Variants in ANK2 observed in about 807,000 individuals in gnomAD.
ANK2 encodes ankyrin-2.
In ANK2, 83 loss-of-function variants were observed where a neutral mutation model predicts 360.5. The observed-to-expected ratio is 0.23, with a 90% CI of 0.19 to 0.28. ANK2 has a LOEUF of 0.28. Among genes scored for constraint, ANK2 ranks in the 10% least tolerant of loss-of-function variants. The pLI is 1.00. For synonymous variants in ANK2, 1,740 were observed against 1,759.5 expected, an observed-to-expected ratio of 0.99 and a Z score of 0.28; for missense variants, 4,201 against 4,795.7, an observed-to-expected ratio of 0.88 and a Z score of 3.66.
rs1261133929 is a variant in ANK2, at chr4:113,367,846, A to C, written c.11313A>C (p.Glu3771Asp). Residue 3771 changes from glutamate to aspartate, a missense_variant, in exon 42 of 46, where the codon GAA becomes GAC. By Grantham distance (45) the Glu-to-Asp change is conservative (BLOSUM62 2). Around this residue, in one of 4 missense-constraint regions of ANK2, gnomAD observed 2,642 missense variants for 2,714.5 expected, o/e 0.97. Coordinates refer to ENST00000357077, the MANE Select transcript of ANK2 (RefSeq NM_001148.6). ...PEESSLEYQQ[E>D]YFVTTPGTET... ...AGTCATCTCTGGAATATCAGCAGGA[A>C]TATTTGTGAGTTTCCAAAGAAAGCC... 7.4e-6 allele frequency: 12 copies of C among 1,614,034 alleles called. No homozygotes were observed. The highest frequency in any genetic ancestry group is 1.7e-5 in the Admixed American group (1 of 60,002).
At chr4:113,308,131 G>A (rs2078133739) in intron 23 of ANK2, among the ~76,000 whole-genome samples, 1 of 152,194 alleles carries the variant, frequency 6.6e-6, no homozygotes, top group African/African-American at 2.4e-5. Context: ...TCTTAAAGCT[G>A]TCTGAGTTGT....
chr4:113,037,327 T>G (rs1433633499), intron 2 of ANK2, among the ~76,000 whole-genome samples: 4 of 152,014 alleles, frequency 2.6e-5, no homozygotes, highest in Non-Finnish European at 5.9e-5. Context: ...GCTTAAGGTC[T>G]AAGTGTGGCA....
At chr4:112,864,018 G>T (rs780040235) in intron 1 of ANK2, among the ~76,000 whole-genome samples, 1 of 152,086 alleles carries the variant, frequency 6.6e-6, no homozygotes, top group Non-Finnish European at 1.5e-5. Context: ...CTTACATTTG[G>T]GTGGGAATAC....
intron 1 of ANK2, among the ~76,000 whole-genome samples, chr4:113,110,005 G>A (rs192033939): frequency 2.0e-4 from 30 of 152,180 alleles, no homozygotes; most frequent in African/African-American, 6.3e-4. Context: ...GAGTTTGCAC[G>A]AGTGGGCATA....
Position 113,049,760 on chromosome 4 carries a change from A to G in ANK2, c.32A>G (p.Asp11Gly). 1 of 1,613,860 alleles carries G rather than the reference A, an allele frequency of 6.2e-7. No individual in the cohort carries two copies. Among genetic ancestry groups the G allele is most frequent in the Non-Finnish European group, 8.5e-7 (1 of 1,179,818 alleles). The change falls in exon 1 of 46, where the codon GAC becomes GGC. Residue 11 changes from aspartate to glycine, a missense_variant. Around this residue, in one of 4 missense-constraint regions of ANK2, gnomAD observed 169 missense variants for 191.1 expected, o/e 0.88. Transcript: ENST00000357077. MMNEDAAQKS[D>G]SGEKFNGSSQ... ...AACGAAGATGCAGCTCAGAAAAGCGACAGTGGAGAGAAGTTCAACGGCAGT... is the reference window on the plus strand; with the variant it reads ...AACGAAGATGCAGCTCAGAAAAGCGGCAGTGGAGAGAAGTTCAACGGCAGT...
chr4:113,006,620 A>G (rs867025724), intron 2 of ANK2, among the ~76,000 whole-genome samples: 4 of 152,246 alleles, frequency 2.6e-5, no homozygotes, highest in African/African-American at 9.6e-5. Flanking sequence ...GGCAATATCT[A>G]TTGAAGTTAC....
At chr4:112,864,089 G>T (rs1230205050) in intron 1 of ANK2, among the ~76,000 whole-genome samples, 1 of 152,128 alleles carries the variant, frequency 6.6e-6, no homozygotes, top group African/African-American at 2.4e-5. Flanking sequence ...ATTAGGTAGG[G>T]TGTTATAGAG....
intron 2 of ANK2, among the ~76,000 whole-genome samples, chr4:112,964,589 G>A (rs76126788): frequency 1.7e-5 from 1 of 60,108 alleles, no homozygotes; most frequent in Non-Finnish European, 3.3e-5. Context: ...TTTTTTTTTT[G>A]AGACAGAGTC....
intron 1 of ANK2, chr4:113,117,407 C>A (rs1021398367): frequency 2.2e-6 from 1 of 456,148 alleles, no homozygotes; most frequent in South Asian, 1.5e-5. Flanking sequence ...ACGTATGGAA[C>A]GAAAAAGAAA....
Position 113,315,665 on chromosome 4 carries a change from A to G in ANK2, c.2694-2042A>G, listed in dbSNP as rs560845824. ...TGTAATCCCAGCACTTTGGGAGGCC[A>G]AGGTGGGCGGATCACGAGGTCAGGA... On this transcript the variant is annotated intron_variant, in intron 24 of 45. Transcript: ENST00000357077. Among the ~76,000 whole-genome samples, 119 of 152,184 alleles carry G rather than the reference A, an allele frequency of 7.8e-4. 1 individual carries two copies. In the East Asian group the frequency reaches 0.013, roughly 17 times the overall value.
intron 21 of ANK2, chr4:113,293,228 A>G: frequency 1.5e-6 from 1 of 683,688 alleles, no homozygotes; most frequent in South Asian, 1.5e-5. Context: ...AAGCAGATGC[A>G]AGCTTGTTGT....
Position 113,356,030 on chromosome 4 carries a change from G to A in ANK2, c.7412G>A (p.Ser2471Asn), listed in dbSNP as rs375139170. The A allele has an allele frequency of 1.5e-5, 25 of 1,614,134 alleles. No homozygotes were observed. In the African/African-American group the frequency reaches 2.9e-4, roughly 19 times the overall value. Residue 2471 changes from serine to asparagine, a missense_variant, in exon 38 of 46, where the codon AGC becomes AAC. Physicochemically the swap from Ser to Asn is conservative, Grantham distance 46. This residue lies in a region of ANK2 where 2,642 missense variants were observed against 2,714.5 expected (regional missense o/e 0.97). Coordinates refer to ENST00000357077, the MANE Select transcript of ANK2 (RefSeq NM_001148.6). Reference protein sequence around the residue: ...KESPCRDSLESSPVEPKMKAG... With the variant: ...KESPCRDSLENSPVEPKMKAG... ...TCCCCTTGCCGTGACTCTCTGGAAAGCAGCCCTGTTGAACCAAAGATGAAG... is the reference window on the plus strand; with the variant it reads ...TCCCCTTGCCGTGACTCTCTGGAAAACAGCCCTGTTGAACCAAAGATGAAG...
intron 13 of ANK2, among the ~76,000 whole-genome samples, chr4:113,263,611 A>G (rs1469645584): frequency 6.6e-6 from 1 of 152,224 alleles, no homozygotes; most frequent in Non-Finnish European, 1.5e-5. Flanking sequence ...AAGTTTCTAG[A>G]TTTAAGGGTT....
intron 2 of ANK2, among the ~76,000 whole-genome samples, chr4:113,009,957 C>T (rs989670531): frequency 9.9e-5 from 15 of 152,156 alleles, no homozygotes; most frequent in East Asian, 1.9e-4. Flanking sequence ...CTCACACACA[C>T]GTGCTTGTGG....
chr4:113,297,293 G>A (rs566812983), intron 22 of ANK2, among the ~76,000 whole-genome samples: 51 of 152,254 alleles, frequency 3.3e-4, no homozygotes, highest in African/African-American at 1.2e-3. Context: ...CTGAGCCCCC[G>A]CTGTGTATTT....
intron 43 of ANK2, among the ~76,000 whole-genome samples, chr4:113,372,282 A>G (rs540757293): frequency 2.6e-5 from 4 of 152,260 alleles, no homozygotes; most frequent in South Asian, 2.1e-4. Context: ...ATTTTGACAG[A>G]TGGGTTCTCC....
intron 1 of ANK2, among the ~76,000 whole-genome samples, chr4:113,114,965 A>G (rs1279611542): frequency 6.6e-6 from 1 of 152,188 alleles, no homozygotes; most frequent in Non-Finnish European, 1.5e-5. Flanking sequence ...CAATCAAGTA[A>G]GACTTGCTTG....
upstream of ANK2, among the ~76,000 whole-genome samples, chr4:113,048,282 T>A (rs1191644826): frequency 1.7e-3 from 128 of 75,240 alleles, no homozygotes; most frequent in East Asian, 3.2e-3. Context: ...ATATATTTTT[T>A]TTTTTTTTTT....
intron 1 of ANK2, among the ~76,000 whole-genome samples, chr4:112,892,040 A>G (rs886872332): frequency 1.3e-5 from 2 of 150,442 alleles, no homozygotes; most frequent in Non-Finnish European, 3.0e-5. Context: ...GTGGTGGGCT[A>G]GGTAAGTTTT....
Sources: allele counts gnomAD v4.1 joint callset (sites outside exome capture counted in the v4.1 genomes callset), GRCh38; gene constraint gnomAD v4.1.1; regional missense constraint gnomAD v4.1.1; transcripts MANE v1.5; gene names NCBI Gene and HGNC (gene_info 2026-07-23, HGNC 2026-07-21).